The following NR1H3 variants were observed in gnomAD, a reference collection of about 807,000 sequenced individuals.
NR1H3 encodes the protein nuclear receptor subfamily 1 group H member 3, also known as oxysterols receptor LXR-alpha.
In NR1H3, 19 loss-of-function variants were observed where a neutral mutation model predicts 48.1. That is an observed-to-expected ratio of 0.40 (90% CI 0.28 to 0.58). NR1H3 has a LOEUF of 0.58. Among genes scored for constraint, NR1H3 ranks in the 20% least tolerant of loss-of-function variants. The pLI, the probability that NR1H3 is intolerant of heterozygous loss-of-function variation, is 0.50. For missense variants in NR1H3, 486 were observed against 595.9 expected, an observed-to-expected ratio of 0.82 and a Z score of 1.92; for synonymous variants, 232 against 227.3, an observed-to-expected ratio of 1.02 and a Z score of -0.19.
upstream of NR1H3, among the ~76,000 whole-genome samples, chr11:47,254,948 G>A (rs1954953102): frequency 6.6e-6 from 1 of 152,114 alleles, no homozygotes; most frequent in East Asian, 1.9e-4. Flanking sequence ...CCTGGCCCCC[G>A]TCCTTCTATG....
At chr11:47,248,498 GTCA>G, upstream of NR1H3, 1 of 1,550,544 alleles carries the variant, frequency 6.4e-7, no homozygotes, top group Non-Finnish European at 8.7e-7. Context: ...GACGTATTCG[GTCA>G]TCCTGACTCC....
intron 9 of NR1H3, 65 bp from the exon 10 acceptor site, chr11:47,268,485 C>A: frequency 6.2e-7 from 1 of 1,607,552 alleles, no homozygotes; most frequent in Non-Finnish European, 8.5e-7. Context: ...CCCACAACTC[C>A]CCTACTCTTG....
intron 1 of NR1H3, among the ~76,000 whole-genome samples, chr11:47,252,676 C>T (rs576837051): frequency 6.6e-6 from 1 of 151,980 alleles, no homozygotes; most frequent in Admixed American, 6.6e-5. Context: ...CAGGTTCACG[C>T]CATTCTCCTG....
chr11:47,248,411 A>T (rs1298625963), upstream of NR1H3: 10 of 1,531,136 alleles, frequency 6.5e-6, no homozygotes, highest in Admixed American at 2.0e-5. Flanking sequence ...AACTGGGGAA[A>T]AAAGATAACC....
upstream of NR1H3, among the ~76,000 whole-genome samples, chr11:47,253,419 C>G (rs1190893165): frequency 6.6e-6 from 1 of 152,162 alleles, no homozygotes; most frequent in Non-Finnish European, 1.5e-5. Flanking sequence ...CCTTCTGTAT[C>G]ATCTCTGAAC....
At chr11:47,265,778 A>C (rs1956402826) in intron 7 of NR1H3, among the ~76,000 whole-genome samples, 1 of 152,188 alleles carries the variant, frequency 6.6e-6, no homozygotes, top group Non-Finnish European at 1.5e-5. Context: ...AGGCTGAGGC[A>C]GGAGAATTGC....
intron 7 of NR1H3, 91 bp from the exon 8 acceptor site, chr11:47,267,822 T>A (rs1301608625): frequency 8.7e-6 from 8 of 921,404 alleles, no homozygotes; most frequent in Non-Finnish European, 1.4e-5. Flanking sequence ...GTAAACTTCT[T>A]AGTGAGTTCC....
intron 7 of NR1H3, among the ~76,000 whole-genome samples, chr11:47,262,230 T>G (rs1955965183): frequency 6.6e-6 from 1 of 151,474 alleles, no homozygotes; most frequent in South Asian, 2.1e-4. Context: ...ATACAAAAAA[T>G]TAGTCAGGCA....
At chr11:47,253,144 T>TG (rs1554980530), upstream of NR1H3, among the ~76,000 whole-genome samples, 2 of 151,498 alleles carry the variant, frequency 1.3e-5, no homozygotes, top group African/African-American at 4.9e-5. Context: ...CGTGTGTGTG[T>TG]TTTCTGTAAA....
chr11:47,268,775 T>A lies in NR1H3; in HGVS notation c.*79T>A. 6.6e-7 allele frequency: 1 copy of A among 1,521,110 alleles called. No individual in the cohort carries two copies. Among genetic ancestry groups the A allele is most frequent in the Non-Finnish European group, 8.9e-7 (1 of 1,122,032 alleles). The allele number at this position is 1,521,110 out of a possible 1,614,324, so 94.2% of individuals were successfully genotyped here. A position where few individuals can be genotyped will look rare whatever the true frequency, so the allele number is the denominator to read the frequency against. ...GCTGCCTCCTAGAAGTGGAACAGAC[T>A]GAGAAGGGCAAACATTCCTGGGAGC... On this transcript the variant is annotated 3_prime_UTR_variant, in exon 10 of 10. Coordinates refer to ENST00000441012, the MANE Select transcript of NR1H3 (RefSeq NM_005693.4).
At chr11:47,255,958 C>T (rs1007920953), upstream of NR1H3, among the ~76,000 whole-genome samples, 8 of 151,214 alleles carry the variant, frequency 5.3e-5, no homozygotes, top group African/African-American at 1.5e-4. Flanking sequence ...CATGAGCCAC[C>T]GCACCCTGCA....
chr11:47,248,663 C>T (rs1313198862), upstream of NR1H3: 11 of 1,605,774 alleles, frequency 6.9e-6, no homozygotes, highest in Non-Finnish European at 9.4e-6. Context: ...TTGGTGAGCC[C>T]ATCTCTCATT....
intron 7 of NR1H3, among the ~76,000 whole-genome samples, chr11:47,264,390 C>T (rs1480407635): frequency 6.6e-6 from 1 of 152,248 alleles, no homozygotes; most frequent in African/African-American, 2.4e-5. Flanking sequence ...AGGAAGGCCA[C>T]TCTTCGCTGT....
chr11:47,248,568 T>G, upstream of NR1H3: 1 of 1,551,724 alleles, frequency 6.4e-7, no homozygotes, highest in East Asian at 2.4e-5. Context: ...CCCAGGCCAG[T>G]CGTCCCCTCC....
chr11:47,257,857 C>G (rs1404945613), upstream of NR1H3: 2 of 983,528 alleles, frequency 2.0e-6, no homozygotes, highest in African/African-American at 3.5e-5. Flanking sequence ...GAGGAGCCAG[C>G]CTGGTGGAGA....
In NR1H3 at chr11:47,261,340, C is replaced by G. The variant is rs141875702; in HGVS notation, c.599C>G (p.Pro200Arg). The change falls in exon 5 of 10, where the codon CCC (proline) becomes CGC (arginine). Residue 200 changes from proline to arginine, a missense_variant. Pro to Arg is a moderately radical substitution (Grantham distance 103). Transcript: ENST00000441012. The part of the protein sequence containing the change: ...TSLPPRASSP[P>R]QILPQLSPEQ... ...TTGCCCCCCAGGGCTTCCTCACCCC[C>G]CCAAATCCTGCCCCAGCTCAGCCCG... 8.7e-6 allele frequency: 14 copies of G among 1,614,026 alleles called. No homozygotes were observed. The highest frequency in any genetic ancestry group is 1.6e-4 in the Middle Eastern group (1 of 6,084).
upstream of NR1H3, chr11:47,248,646 GA>G: frequency 6.3e-7 from 1 of 1,593,204 alleles, no homozygotes; most frequent in Non-Finnish European, 8.5e-7. Context: ...TAGCTTCAGG[GA>G]AGTCTTTGGT....
chr11:47,266,176 GTC>G (rs1404825467), intron 7 of NR1H3, among the ~76,000 whole-genome samples: 1 of 152,054 alleles, frequency 6.6e-6, no homozygotes, highest in Non-Finnish European at 1.5e-5. Context: ...TGAAAAACAA[GTC>G]TTTTTTTTTT....
intron 3 of NR1H3, 73 bp from the exon 4 acceptor site, chr11:47,260,336 G>T: frequency 1.3e-6 from 2 of 1,538,412 alleles, no homozygotes; most frequent in South Asian, 2.5e-5. Context: ...GAGTGCCCAG[G>T]GCAGTGGCTG....
Sources: allele counts gnomAD v4.1 joint callset (sites outside exome capture counted in the v4.1 genomes callset), GRCh38; gene constraint gnomAD v4.1.1; transcripts MANE v1.5; gene names NCBI Gene and HGNC (gene_info 2026-07-23, HGNC 2026-07-21).